Variants in TMEM232 observed in about 807,000 individuals in gnomAD.
TMEM232 encodes transmembrane protein 232.
Under a neutral mutation model 78.8 loss-of-function variants are expected in TMEM232, and 80 were observed. The ratio of observed to expected loss-of-function variants is 1.01; its 90% CI spans 0.85 to 1.22. The LOEUF (loss-of-function observed/expected upper bound fraction) is 1.22. Ranked by LOEUF, TMEM232 falls within the 50% of genes most tolerant of loss-of-function variation. The pLI, the probability that TMEM232 is intolerant of heterozygous loss-of-function variation, is 0.00. For missense variants in TMEM232, 881 were observed against 742.2 expected, an observed-to-expected ratio of 1.19 and a Z score of -2.17; for synonymous variants, 297 against 254.3, an observed-to-expected ratio of 1.17 and a Z score of -1.60.
intron 12 of TMEM232, among the ~76,000 whole-genome samples, chr5:110,524,411 G>GA (rs372701386): frequency 0.083 from 5,047 of 60,768 alleles, 166 homozygotes; most frequent in African/African-American, 0.14. Context: ...AAGAAAGAAA[G>GA]AAAGAAAAGA....
In TMEM232 at chr5:110,643,620, T is replaced by C. The variant is rs552550846; in HGVS notation, c.126-1249A>G. ...TGTTTTTGTGAAGTAAAATTATTGT[T>C]GGAGTCATGCTATTGGAAAGAATAA... On this transcript the variant is annotated intron_variant, in intron 2 of 13. Transcript: ENST00000455884. Among the ~76,000 whole-genome samples, 8 of 152,182 alleles carry C rather than the reference T, an allele frequency of 5.3e-5. No homozygotes were observed. The South Asian group carries it at 1.7e-3, about 32-fold the overall frequency.
intron 9 of TMEM232, among the ~76,000 whole-genome samples, 182 bp from the exon 10 acceptor site, chr5:110,605,540 A>C (rs370997762): frequency 6.6e-6 from 1 of 152,190 alleles, no homozygotes; most frequent in East Asian, 1.9e-4. Context: ...TAAAAAATAT[A>C]GATAGCTAAT....
chr5:110,707,291 C>T (rs1421002673), intron 1 of TMEM232, among the ~76,000 whole-genome samples: 2 of 152,148 alleles, frequency 1.3e-5, no homozygotes, highest in Admixed American at 6.5e-5. Context: ...ACCACACCTA[C>T]CCCATTCCCC....
In TMEM232 at chr5:110,420,562, T is replaced by C. The variant is rs2112605718; in HGVS notation, c.*18A>G. ...CCATGTAGTCCTCAATTTTGGGAGG[T>C]GACATTTTCTTTTCTAATTAAATTA... On this transcript the variant is annotated 3_prime_UTR_variant, in exon 14 of 14. Transcript: ENST00000455884. 1 of 1,425,322 alleles carries C rather than the reference T, an allele frequency of 7.0e-7. No homozygotes were observed. Among genetic ancestry groups the C allele is most frequent in the East Asian group, 2.8e-5 (1 of 35,868 alleles). The allele number at this position is 1,425,322 out of a possible 1,614,324, so 88.3% of individuals were successfully genotyped here.
rs919965926 is a variant in TMEM232 at position 110,621,350 on chromosome 5, G to T, written c.769-2788C>A. ...AGTTCTGTGCCTTTACCCTAAATCA[G>T]TCCTGCTCAAGGTGTGGTTGGCAGA... On this transcript the variant is annotated intron_variant, in intron 7 of 13. Transcript: ENST00000455884. 2.0e-5 allele frequency among the ~76,000 whole-genome samples: 3 copies of T among 152,060 alleles called. No homozygotes were observed. In the East Asian group the frequency reaches 5.8e-4, roughly 29 times the overall value.
At chr5:110,524,427 AAAGAAAAG>A (rs1770232891) in intron 12 of TMEM232, among the ~76,000 whole-genome samples, 1 of 141,044 alleles carries the variant, frequency 7.1e-6, no homozygotes, top group South Asian at 2.1e-4. Context: ...AAAGAAAAGA[AAAGAAAAG>A]AAAAGAAAGG....
chr5:110,580,031 A>G (rs192259684), intron 10 of TMEM232, among the ~76,000 whole-genome samples: 53 of 151,842 alleles, frequency 3.5e-4, no homozygotes, highest in African/African-American at 1.1e-3. Flanking sequence ...CAGAAAAAAG[A>G]AACAGGCTTT....
intron 8 of TMEM232, among the ~76,000 whole-genome samples, chr5:110,611,306 C>A (rs1334795862): frequency 6.6e-6 from 1 of 152,022 alleles, no homozygotes; most frequent in African/African-American, 2.4e-5. Flanking sequence ...ATAAATTTAC[C>A]TTGCCATTGC....
At chr5:110,504,570 A>G (rs1766651809) in intron 12 of TMEM232, among the ~76,000 whole-genome samples, 1 of 152,192 alleles carries the variant, frequency 6.6e-6, no homozygotes, top group Admixed American at 6.5e-5. Context: ...GAGACCCAGG[A>G]TTGCCAATGT....
At chr5:110,395,251 C>A (rs1454014129) in intron 3 of TMEM232, among the ~76,000 whole-genome samples, 1 of 152,124 alleles carries the variant, frequency 6.6e-6, no homozygotes, top group African/African-American at 2.4e-5. Context: ...TCTGTGCTTT[C>A]TCCTCAGTGG....
At chr5:110,659,255 T>G (rs1341587555) in intron 2 of TMEM232, among the ~76,000 whole-genome samples, 1 of 151,954 alleles carries the variant, frequency 6.6e-6, no homozygotes, top group Non-Finnish European at 1.5e-5. Context: ...TCTTGCAAGA[T>G]CCCCTCTTCC....
At chr5:110,636,134 T>G (rs1785794612) in intron 5 of TMEM232, among the ~76,000 whole-genome samples, 1 of 151,976 alleles carries the variant, frequency 6.6e-6, no homozygotes, top group South Asian at 2.1e-4. Flanking sequence ...TGGGAGTCAC[T>G]ATGTTAAATG....
At chr5:110,659,114 T>C (rs1468950273) in intron 2 of TMEM232, among the ~76,000 whole-genome samples, 1 of 152,094 alleles carries the variant, frequency 6.6e-6, no homozygotes, top group Non-Finnish European at 1.5e-5. Flanking sequence ...ATCAGCTAGT[T>C]CAAGTAGAGA....
At chr5:110,652,294 GCA>G (rs70999969) in intron 2 of TMEM232, among the ~76,000 whole-genome samples, 23 of 145,452 alleles carry the variant, frequency 1.6e-4, no homozygotes, top group African/African-American at 4.1e-4. Context: ...GCACGCGCGC[GCA>G]CACACACACA....
intron 4 of TMEM232, among the ~76,000 whole-genome samples, chr5:110,639,088 T>A (rs1300955994): frequency 6.6e-6 from 1 of 152,120 alleles, no homozygotes; most frequent in East Asian, 1.9e-4. Flanking sequence ...AACCCTGACA[T>A]GCTCAAGGGA....
intron 12 of TMEM232, among the ~76,000 whole-genome samples, chr5:110,524,457 GAA>G (rs1770259285): frequency 6.6e-6 from 1 of 150,824 alleles, no homozygotes; most frequent in African/African-American, 2.5e-5. Flanking sequence ...AAGAAAGAAA[GAA>G]AAAGAAAGAA....
intron 1 of TMEM232, among the ~76,000 whole-genome samples, chr5:110,715,097 A>G (rs1013397623): frequency 6.6e-6 from 1 of 152,172 alleles, no homozygotes; most frequent in Non-Finnish European, 1.5e-5. Flanking sequence ...AAATAACTTT[A>G]TCCAATAAAC....
intron 12 of TMEM232, among the ~76,000 whole-genome samples, chr5:110,450,883 T>C (rs1004741227): frequency 6.6e-6 from 1 of 152,190 alleles, no homozygotes; most frequent in African/African-American, 2.4e-5. Flanking sequence ...TAGTTAGGCA[T>C]GTATACCTCA....
intron 2 of TMEM232, among the ~76,000 whole-genome samples, chr5:110,657,861 GA>G (rs1789295979): frequency 6.6e-6 from 1 of 151,944 alleles, no homozygotes; most frequent in African/African-American, 2.4e-5. Flanking sequence ...TCAATATATA[GA>G]GAAACAAAAA....
Sources: allele counts gnomAD v4.1 joint callset (sites outside exome capture counted in the v4.1 genomes callset), GRCh38; gene constraint gnomAD v4.1.1; transcripts MANE v1.5; gene names NCBI Gene and HGNC (gene_info 2026-07-23, HGNC 2026-07-21).